The following PRKG1 variants were observed in gnomAD, a reference collection of about 807,000 sequenced individuals.
PRKG1 encodes cGMP-dependent protein kinase 1.
In PRKG1, 35 loss-of-function variants were observed where a neutral mutation model predicts 88.1. The observed-to-expected ratio is 0.40, with a 90% CI of 0.30 to 0.53. The LOEUF (loss-of-function observed/expected upper bound fraction) is 0.53. PRKG1 is among the 20% of genes least tolerant of loss of function. The probability of loss-of-function intolerance (pLI) is 0.59; values close to 1 mark genes in which losing one functional copy is unlikely to be tolerated. For missense variants in PRKG1, 540 were observed against 839.8 expected, an observed-to-expected ratio of 0.64 and a Z score of 4.41; for synonymous variants, 303 against 292.5, an observed-to-expected ratio of 1.04 and a Z score of -0.37.
intron 1 of PRKG1, among the ~76,000 whole-genome samples, chr10:51,130,697 T>G (rs1321255527): frequency 1.3e-5 from 2 of 152,052 alleles, no homozygotes; most frequent in African/African-American, 4.8e-5. Context: ...GGTCAGGAAT[T>G]CAAGACCAGC....
At chr10:51,088,983 G>A (rs1224845410) in intron 1 of PRKG1, among the ~76,000 whole-genome samples, 1 of 152,068 alleles carries the variant, frequency 6.6e-6, no homozygotes, top group Non-Finnish European at 1.5e-5. Context: ...GCATGCCTTT[G>A]TGGATTGCCT....
At position 50,991,183 on chromosome 10, in the gene PRKG1, C is replaced by T. The variant is rs1040575593; in HGVS notation, c.-196C>T. The T allele has an allele frequency of 4.2e-6, 3 of 708,262 alleles. No homozygotes were observed. The highest frequency in any genetic ancestry group is 3.9e-5 in the African/African-American group (2 of 51,096). 43.9% of individuals were successfully genotyped at this position (708,262 alleles called of 1,614,324 possible). On this transcript the variant is annotated 5_prime_UTR_variant, in exon 1 of 18. Coordinates refer to the PRKG1 transcript ENST00000401604. This position sits in a 1 kb window ranked among gnomAD's most constrained non-coding sequence, Gnocchi z 4.5. ...TCATCCTCCCCTCGGTGCTTTTAGT[C>T]CATTCAGCAGAAGCGGATCGAAGCA...
At chr10:51,938,863 T>A (rs1274329578) in intron 5 of PRKG1, among the ~76,000 whole-genome samples, 2 of 152,048 alleles carry the variant, frequency 1.3e-5, no homozygotes, top group Admixed American at 6.6e-5. Flanking sequence ...TGTATGTACT[T>A]CAGAAAGTTT....
intron 5 of PRKG1, among the ~76,000 whole-genome samples, chr10:52,047,715 A>G (rs183934653): frequency 3.3e-5 from 5 of 152,260 alleles, no homozygotes; most frequent in African/African-American, 9.6e-5. Context: ...ATTCAGTTCT[A>G]CATGAAAAGG....
chr10:52,213,178 A>C (rs1840025428), intron 9 of PRKG1, among the ~76,000 whole-genome samples: 1 of 152,090 alleles, frequency 6.6e-6, no homozygotes, highest in South Asian at 2.1e-4. Flanking sequence ...TAATAAAAAA[A>C]ATAAAAATAA....
At chr10:51,525,829 CTTT>C (rs747976301) in intron 3 of PRKG1, among the ~76,000 whole-genome samples, 2 of 146,066 alleles carry the variant, frequency 1.4e-5, no homozygotes, top group East Asian at 2.0e-4. Flanking sequence ...ACTCTTAGCA[CTTT>C]TTTTTTTTTT....
intron 3 of PRKG1, among the ~76,000 whole-genome samples, chr10:51,619,383 C>T (rs1365752014): frequency 6.6e-6 from 1 of 152,094 alleles, no homozygotes; most frequent in African/African-American, 2.4e-5. Context: ...AGGAGGTTTT[C>T]ATTTGACTGG....
At chr10:51,871,027 A>G (rs1432406745) in intron 4 of PRKG1, among the ~76,000 whole-genome samples, 1 of 152,162 alleles carries the variant, frequency 6.6e-6, no homozygotes, top group African/African-American at 2.4e-5. Context: ...GTCTTCTCTG[A>G]AGGTAATTGT....
chr10:51,885,617 A>G (rs1480098894), intron 4 of PRKG1, among the ~76,000 whole-genome samples: 1 of 152,194 alleles, frequency 6.6e-6, no homozygotes, highest in Non-Finnish European at 1.5e-5. Context: ...TTCCAGCCAT[A>G]TCAGATCACT....
chr10:51,896,317 T>C (rs1841844666), intron 4 of PRKG1, among the ~76,000 whole-genome samples: 1 of 152,142 alleles, frequency 6.6e-6, no homozygotes, highest in Non-Finnish European at 1.5e-5. Context: ...ATTAAGCATT[T>C]ATTATGTGCC....
intron 4 of PRKG1, among the ~76,000 whole-genome samples, chr10:51,826,835 TA>T (rs147278279): frequency 0.13 from 19,681 of 152,132 alleles, 1,630 homozygotes; most frequent in African/African-American, 0.24. Context: ...TGTATCTTAT[TA>T]AAATATAGCA....
At chr10:51,824,049 C>T (rs998558293) in intron 4 of PRKG1, among the ~76,000 whole-genome samples, 1 of 151,642 alleles carries the variant, frequency 6.6e-6, no homozygotes, top group Non-Finnish European at 1.5e-5. Context: ...AATTTTTGTA[C>T]ATTTTGTAGA....
intron 9 of PRKG1, among the ~76,000 whole-genome samples, chr10:52,214,371 G>A (rs1276711379): frequency 6.6e-6 from 1 of 152,186 alleles, no homozygotes; most frequent in Non-Finnish European, 1.5e-5. Context: ...ACAGAGAACA[G>A]TATGCTGGTG....
intron 2 of PRKG1, among the ~76,000 whole-genome samples, chr10:51,246,604 GAAAAAAAAGA>G (rs1839297977): frequency 1.3e-5 from 1 of 76,122 alleles, no homozygotes; most frequent in Non-Finnish European, 2.2e-5. Context: ...AACAGCAACA[GAAAAAAAAGA>G]AAAAAAAAAA....
chr10:51,587,368 G>C (rs7099516), intron 3 of PRKG1, among the ~76,000 whole-genome samples: 11,218 of 152,108 alleles, frequency 0.074, 1,386 homozygotes, highest in African/African-American at 0.25. Flanking sequence ...TGTAAATTAC[G>C]CATGTCAAAC....
At chr10:51,748,103 G>T (rs1837627041) in intron 3 of PRKG1, among the ~76,000 whole-genome samples, 1 of 152,124 alleles carries the variant, frequency 6.6e-6, no homozygotes, top group South Asian at 2.1e-4. Context: ...TACAGAAGAT[G>T]ATTATTCACC....
intron 3 of PRKG1, among the ~76,000 whole-genome samples, chr10:51,554,800 A>G (rs985279174): frequency 6.6e-6 from 1 of 151,806 alleles, no homozygotes; most frequent in Non-Finnish European, 1.5e-5. Context: ...AAATCCATGA[A>G]TGGTAAAGAG....
intron 7 of PRKG1, among the ~76,000 whole-genome samples, chr10:52,108,050 T>A (rs1471594971): frequency 2.6e-5 from 4 of 152,190 alleles, no homozygotes; most frequent in African/African-American, 4.8e-5. Context: ...TATATAGACA[T>A]TGGGTAAATA....
intron 4 of PRKG1, among the ~76,000 whole-genome samples, chr10:51,807,385 C>A (rs1048663734): frequency 6.6e-6 from 1 of 152,130 alleles, no homozygotes; most frequent in African/African-American, 2.4e-5. Flanking sequence ...GGGTACCATC[C>A]CTTTCCTCTC....
Sources: allele counts gnomAD v4.1 joint callset (sites outside exome capture counted in the v4.1 genomes callset), GRCh38; gene constraint gnomAD v4.1.1; non-coding constraint Gnocchi (gnomAD v3.1); transcripts MANE v1.5; gene names NCBI Gene and HGNC (gene_info 2026-07-23, HGNC 2026-07-21).